Variants in AGBL1 observed in about 807,000 individuals in gnomAD.
The protein encoded by AGBL1 is cytosolic carboxypeptidase 4.
Under a neutral mutation model 118.9 loss-of-function variants are expected in AGBL1, and 130 were observed. The observed-to-expected ratio is 1.09, with a 90% confidence interval of 0.95 to 1.26. The LOEUF (loss-of-function observed/expected upper bound fraction) is 1.26. Among genes scored for constraint, AGBL1 ranks in the 50% most tolerant of loss-of-function variants. The pLI is 0.00. For synonymous variants in AGBL1, 555 were observed against 478.9 expected (o/e 1.16, Z -2.08); for missense variants, 1,584 against 1,298.1 (o/e 1.22, Z -3.38).
At chr15:86,945,271 A>G (rs1344890406) in intron 23 of AGBL1, among the ~76,000 whole-genome samples, 1 of 148,220 alleles carries the variant, frequency 6.7e-6, no homozygotes, top group Non-Finnish European at 1.5e-5. Flanking sequence ...AAAAAAAGTT[A>G]TAAAGAAAAT....
At chr15:86,814,046 T>G (rs2078826820) in intron 22 of AGBL1, among the ~76,000 whole-genome samples, 1 of 152,180 alleles carries the variant, frequency 6.6e-6, no homozygotes, top group Admixed American at 6.5e-5. Context: ...CCGGATGCTT[T>G]AGACCGGGGT....
intron 18 of AGBL1, among the ~76,000 whole-genome samples, chr15:86,437,687 A>G (rs1345322436): frequency 6.6e-6 from 1 of 152,154 alleles, no homozygotes; most frequent in Admixed American, 6.5e-5. Flanking sequence ...GCACTTCAGG[A>G]TGGAGGTTAG....
At chr15:86,553,151 G>A (rs996436674) in intron 20 of AGBL1, among the ~76,000 whole-genome samples, 1 of 152,114 alleles carries the variant, frequency 6.6e-6, no homozygotes. Context: ...CTTCACTATT[G>A]TCTAATGTAT....
chr15:86,952,732 G>C (rs2141672884), intron 23 of AGBL1, among the ~76,000 whole-genome samples: 1 of 151,852 alleles, frequency 6.6e-6, no homozygotes, highest in South Asian at 2.1e-4. Flanking sequence ...TTGCTTTTGG[G>C]GACTCAGCCA....
chr15:86,438,504 A>T (rs575198531), intron 18 of AGBL1, among the ~76,000 whole-genome samples: 3 of 152,300 alleles, frequency 2.0e-5, no homozygotes, highest in Non-Finnish European at 2.9e-5. Flanking sequence ...AGATTTAACA[A>T]GTAAAAATAC....
chr15:86,286,422 T>C (rs1295709465), intron 16 of AGBL1, among the ~76,000 whole-genome samples: 1 of 107,262 alleles, frequency 9.3e-6, no homozygotes, highest in Non-Finnish European at 2.3e-5. Flanking sequence ...TCTTGTCTAA[T>C]TGAAATTTTG....
chr15:86,341,871 A>C (rs1232844692), intron 17 of AGBL1, among the ~76,000 whole-genome samples: 1 of 152,142 alleles, frequency 6.6e-6, no homozygotes, highest in Non-Finnish European at 1.5e-5. Flanking sequence ...CTTTTTTTTA[A>C]GACCACCTTC....
chr15:86,518,668 A>T (rs1465730205), intron 18 of AGBL1, among the ~76,000 whole-genome samples: 1 of 152,158 alleles, frequency 6.6e-6, no homozygotes, highest in Non-Finnish European at 1.5e-5. Flanking sequence ...GAAACAATCA[A>T]GGTAAACATA....
At chr15:86,795,437 G>T (rs896010939) in intron 22 of AGBL1, among the ~76,000 whole-genome samples, 2 of 151,936 alleles carry the variant, frequency 1.3e-5, no homozygotes, top group Non-Finnish European at 2.9e-5. Context: ...CCATTACCTG[G>T]GATGGGGAGC....
chr15:86,789,943 C>T (rs746189411), intron 22 of AGBL1, among the ~76,000 whole-genome samples: 2 of 152,092 alleles, frequency 1.3e-5, no homozygotes, highest in African/African-American at 2.4e-5. Flanking sequence ...GAAACTCCAC[C>T]GTCAGTAACA....
In AGBL1 at chr15:87,023,626, C is replaced by T. The variant is rs978603597; in HGVS notation, c.3324-5199C>T. On this transcript the variant is annotated intron_variant, in intron 24 of 24. Transcript: ENST00000441037. ...AATGGATTTAATCTATACCCTAGAA[C>T]GAATGGACTTAACAGATATATACAG... 2.6e-5 allele frequency among the ~76,000 whole-genome samples: 4 copies of T among 151,972 alleles called. No homozygotes were observed. In the East Asian group the frequency reaches 7.7e-4, roughly 29 times the overall value.
intron 23 of AGBL1, chr15:86,935,325 G>A (rs1193092585): frequency 6.6e-6 from 1 of 152,194 alleles, no homozygotes; most frequent in African/African-American, 2.4e-5. Context: ...GGTTATACAT[G>A]TGACATTAAA....
chr15:86,165,575 A>G (rs1441618416), intron 5 of AGBL1, among the ~76,000 whole-genome samples: 1 of 152,104 alleles, frequency 6.6e-6, no homozygotes, highest in Non-Finnish European at 1.5e-5. Flanking sequence ...AGTTAGAAGA[A>G]ATGGATTTTT....
At chr15:86,485,882 C>T (rs1243031068) in intron 18 of AGBL1, among the ~76,000 whole-genome samples, 4 of 152,042 alleles carry the variant, frequency 2.6e-5, no homozygotes, top group Admixed American at 2.6e-4. Context: ...AAATCACACC[C>T]AAAGCTCTTC....
intron 24 of AGBL1, among the ~76,000 whole-genome samples, chr15:86,993,858 C>A (rs777462408): frequency 3.4e-4 from 51 of 152,076 alleles, no homozygotes; most frequent in Non-Finnish European, 6.0e-4. Context: ...GCTCTTTAGA[C>A]ACTTCTTTAC....
intron 1 of AGBL1, among the ~76,000 whole-genome samples, chr15:86,127,170 G>A (rs1350376649): frequency 6.6e-6 from 1 of 152,166 alleles, no homozygotes; most frequent in Non-Finnish European, 1.5e-5. Flanking sequence ...CTTAGCTGTT[G>A]ATGATTATGT....
intron 18 of AGBL1, among the ~76,000 whole-genome samples, chr15:86,481,621 A>C (rs899601872): frequency 6.6e-6 from 1 of 152,154 alleles, no homozygotes; most frequent in Non-Finnish European, 1.5e-5. Context: ...AGTCTTAAGA[A>C]CAGCAGTGTC....
intron 23 of AGBL1, among the ~76,000 whole-genome samples, chr15:86,957,420 G>C (rs2080942083): frequency 6.6e-6 from 1 of 151,826 alleles, no homozygotes; most frequent in Non-Finnish European, 1.5e-5. Flanking sequence ...CTCAGATAGA[G>C]GTATGTCAAC....
intron 18 of AGBL1, among the ~76,000 whole-genome samples, chr15:86,479,234 G>C (rs952293540): frequency 3.9e-5 from 6 of 152,170 alleles, no homozygotes; most frequent in African/African-American, 1.2e-4. Flanking sequence ...TGACAAATGA[G>C]ATCTAATTAA....
Sources: allele counts gnomAD v4.1 joint callset (sites outside exome capture counted in the v4.1 genomes callset), GRCh38; gene constraint gnomAD v4.1.1; transcripts MANE v1.5; gene names NCBI Gene and HGNC (gene_info 2026-07-23, HGNC 2026-07-21).